Variants in TAF6 observed in about 807,000 individuals in gnomAD.
TAF6 encodes TATA-box binding protein associated factor 6.
In TAF6, 50 loss-of-function variants were observed where a neutral mutation model predicts 73.5. The observed-to-expected ratio is 0.68, with a 90% CI of 0.54 to 0.86. The LOEUF is 0.86. Ranked by LOEUF, TAF6 falls within the 40% of genes least tolerant of loss-of-function variation. The probability of loss-of-function intolerance (pLI) is 0.00; values close to 1 mark genes in which losing one functional copy is unlikely to be tolerated. For synonymous variants in TAF6, 424 were observed against 376.7 expected (o/e 1.13, Z -1.45); for missense variants, 768 against 899.5 (o/e 0.85, Z 1.87).
chr7:100,108,677 T>C lies in TAF6; in HGVS notation c.1285-137A>G, dbSNP rs1168006112. ...ATTCCTTATCATCTCAGTGCCCCTG[T>C]TGAAGGCCAAATTATGCTGAACTAT... On this transcript the variant is annotated intron_variant, in intron 12 of 14. Transcript: ENST00000453269. The C allele has an allele frequency of 1.1e-5, 10 of 913,278 alleles. No individual in the cohort carries two copies. The East Asian group carries it at 2.1e-4, about 19-fold the overall frequency. The allele number at this position is 913,278 out of a possible 1,614,324, so 56.6% of individuals were successfully genotyped here. A position where few individuals can be genotyped will look rare whatever the true frequency, so the allele number is the denominator to read the frequency against.
Position 100,111,929 on chromosome 7 carries a change from G to C in TAF6, c.791C>G (p.Ser264Trp). 6.2e-7 allele frequency: 1 copy of C among 1,614,108 alleles called. No individual in the cohort carries two copies. Among genetic ancestry groups the C allele is most frequent in the Non-Finnish European group, 8.5e-7 (1 of 1,180,016 alleles). Residue 264 changes from serine to tryptophan, a missense_variant, in exon 8 of 15, where the codon TCG (serine) becomes TGG (tryptophan). Ser to Trp is a radical substitution (Grantham distance 177, BLOSUM62 -3). Transcript: ENST00000453269. ...QMLPRFSTFI[S>W]EGVRVNVVQN... Reference sequence around the variant, plus strand: ...GGAACCTCATGCTCTCACCCCCTCCGAGATAAAGGTACTGAACCGTGGCAG... The same window carrying C: ...GGAACCTCATGCTCTCACCCCCTCCCAGATAAAGGTACTGAACCGTGGCAG...
intron 1 of TAF6, among the ~76,000 whole-genome samples, chr7:100,117,260 C>T (rs1397564153): frequency 6.9e-6 from 1 of 144,928 alleles, no homozygotes; most frequent in African/African-American, 2.5e-5. Flanking sequence ...ACCATCTAGA[C>T]AGGGCTCTTT....
rs1313903441 is a variant in TAF6, at chr7:100,116,763, GAC to G, written c.-60+2439_-60+2440del. On this transcript the variant is annotated intron_variant, in intron 1 of 14. Transcript: ENST00000453269. ...CCCTTCCTTCTTCCACTTTGATCCA[GAC>G]ACATACATTCCTTCTGGCTGCTCCT... 10 of 152,276 alleles carry G rather than the reference GAC, an allele frequency of 6.6e-5. No homozygotes were observed. The East Asian group carries it at 1.9e-3, about 29-fold the overall frequency. The allele number at this position is 152,276 out of a possible 1,614,324, so 9.4% of individuals were successfully genotyped here. A position where few individuals can be genotyped will look rare whatever the true frequency, so the allele number is the denominator to read the frequency against.
At chr7:100,114,752 T>C (rs992461450) in intron 1 of TAF6, among the ~76,000 whole-genome samples, 1 of 149,948 alleles carries the variant, frequency 6.7e-6, no homozygotes, top group Non-Finnish European at 1.5e-5. Context: ...TAGTGGCTCA[T>C]GCCTGTAATT....
At chr7:100,119,173 G>A (rs1797929290) in intron 1 of TAF6, 31 bp downstream of exon 1, 1 of 987,640 alleles carries the variant, frequency 1.0e-6, no homozygotes, top group East Asian at 1.1e-4. Context: ...CACACACACG[G>A]GGTCCCCACG....
chr7:100,119,238 A>G lies in TAF6; in HGVS notation c.-94T>C. ...TCCAGTCCCCACAAGGGACCTTCAA[A>G]GGGTCTCCTCCGGGGTACCACTCAG... On this transcript the variant is annotated 5_prime_UTR_variant, in exon 1 of 15. Transcript: ENST00000453269. 4 of 1,002,746 alleles carry G rather than the reference A, an allele frequency of 4.0e-6. No individual in the cohort carries two copies. Among genetic ancestry groups the G allele is most frequent in the Non-Finnish European group, 4.8e-6 (4 of 839,990 alleles). The allele number at this position is 1,002,746 out of a possible 1,614,324, so 62.1% of individuals were successfully genotyped here.
chr7:100,111,042 GTCCCTCT>G lies in TAF6; in HGVS notation c.1083+90_1083+96del, dbSNP rs1797143670. 6.4e-6 allele frequency: 9 copies of G among 1,411,406 alleles called. No homozygotes were observed. In the Admixed American group the frequency reaches 1.8e-4, roughly 28 times the overall value. The allele number at this position is 1,411,406 out of a possible 1,614,324, so 87.4% of individuals were successfully genotyped here. On this transcript the variant is annotated intron_variant, in intron 10 of 14. Coordinates refer to ENST00000453269, the MANE Select transcript of TAF6 (RefSeq NM_139315.3). ...GACCCTTAGACCCCCACAAGTTCCA[GTCCCTCT>G]TCCCTCTGCCCCCTTGTTTCCAGTG...
intron 1 of TAF6, among the ~76,000 whole-genome samples, chr7:100,115,949 G>A (rs529155611): frequency 1.3e-5 from 2 of 151,972 alleles, no homozygotes; most frequent in Non-Finnish European, 2.9e-5. Context: ...CCAGCCTGGC[G>A]ACAGAGCGAG....
chr7:100,112,922 T>C lies in TAF6; in HGVS notation c.455-5A>G, dbSNP rs1349815102. ...CCTTCTGTTGCTCTTTGGGAGCTGG[T>C]GGGAAAGCAGGCACAGCGGGAGGGG... On this transcript the variant is annotated splice_polypyrimidine_tract_variant and splice_region_variant and intron_variant, in intron 5 of 14. Coordinates refer to ENST00000453269, the MANE Select transcript of TAF6 (RefSeq NM_139315.3). The C allele has an allele frequency of 6.2e-7, 1 of 1,611,006 alleles. No homozygotes were observed. The highest frequency in any genetic ancestry group is 1.3e-5 in the African/African-American group (1 of 74,616).
chr7:100,126,606 G>C, the TAF6 span: 1 of 152,166 alleles, frequency 6.6e-6, no homozygotes, highest in Non-Finnish European at 1.5e-5. Context: ...ACCAGTCCTG[G>C]CAACAGAACT....
chr7:100,123,171 G>A (rs867688632), upstream of TAF6, among the ~76,000 whole-genome samples: 4 of 151,832 alleles, frequency 2.6e-5, no homozygotes, highest in Non-Finnish European at 5.9e-5. Flanking sequence ...GCAAAACCCC[G>A]TCTTTAATAA....
At chr7:100,119,934 C>T (rs1797980698), upstream of TAF6, 1 of 1,417,994 alleles carries the variant, frequency 7.1e-7, no homozygotes, top group East Asian at 2.4e-5. Flanking sequence ...ACATCCTAGC[C>T]TGTATTGGGT....
chr7:100,122,761 A>ATT (rs768531284), upstream of TAF6: 17 of 1,605,976 alleles, frequency 1.1e-5, no homozygotes, highest in South Asian at 1.4e-4. Flanking sequence ...AGCTGGGCTG[A>ATT]TGCCAAATTC....
rs945546632 is a variant in TAF6 at position 100,111,190 on chromosome 7, A to G, written c.1032T>C (p.Phe344=). 4 of 1,614,054 alleles carry G rather than the reference A, an allele frequency of 2.5e-6. No individual in the cohort carries two copies. The highest frequency in any genetic ancestry group is 2.7e-5 in the African/African-American group (2 of 74,922). The stretch of plus-strand genomic sequence containing the variant: ...ACTGGATGTTGTTAGTGGTTGTGCT[A>G]AAATGCTTGCAGATCTGGGCCACCA... ...ARLVAQICKH[F]STTTNNIQSR... Residue 344 remains phenylalanine (F), a synonymous_variant, in exon 10 of 15, where the codon TTT becomes TTC. Coordinates refer to ENST00000453269, the MANE Select transcript of TAF6 (RefSeq NM_139315.3).
Position 100,110,992 on chromosome 7 carries a change from A to C in TAF6, c.1083+147T>G, listed in dbSNP as rs1393742686. On this transcript the variant is annotated intron_variant, in intron 10 of 14. Coordinates refer to ENST00000453269, the MANE Select transcript of TAF6 (RefSeq NM_139315.3). ...GAGACTCCATCTCAAAAAAAAAAAA[A>C]AAAGGTATTACAGACAAGCCTCAAG... The C allele has an allele frequency of 6.6e-5, 60 of 911,522 alleles. No individual in the cohort carries two copies. The East Asian group carries it at 1.6e-3, about 24-fold the overall frequency. The allele number at this position is 911,522 out of a possible 1,614,324, so 56.5% of individuals were successfully genotyped here.
intron 1 of TAF6, among the ~76,000 whole-genome samples, chr7:100,117,824 CTAGG>C (rs1365945542): frequency 1.3e-5 from 2 of 150,878 alleles, no homozygotes; most frequent in Non-Finnish European, 3.0e-5. Flanking sequence ...GGGCGGATCA[CTAGG>C]TCAGGAGATT....
chr7:100,110,307 G>A (rs1282155813), intron 10 of TAF6, 33 bp from the exon 11 acceptor site: 1 of 1,609,470 alleles, frequency 6.2e-7, no homozygotes, highest in East Asian at 2.2e-5. Context: ...TAAGATGAAG[G>A]GGTCTGAAAG....
At chr7:100,110,113 A>G (rs1327076700) in intron 11 of TAF6, 40 bp from the exon 12 acceptor site, 2 of 1,613,886 alleles carry the variant, frequency 1.2e-6, no homozygotes, top group Non-Finnish European at 1.7e-6. Flanking sequence ...CCGGAGGGTC[A>G]CCAGGGTCTC....
chr7:100,112,713 T>G, intron 6 of TAF6, 85 bp downstream of exon 6: 1 of 1,478,180 alleles, frequency 6.8e-7, no homozygotes, highest in Non-Finnish European at 9.0e-7. Context: ...AGACTCTGTC[T>G]CAAAAACAAA....
Sources: gnomAD v4.1 joint callset for allele counts (sites outside exome capture counted in the v4.1 genomes callset) on GRCh38, gnomAD v4.1.1 for gene constraint, MANE v1.5 for transcripts, NCBI Gene and HGNC (gene_info 2026-07-23, HGNC 2026-07-21) for gene names.